Variants in CATSPERT observed in about 807,000 individuals in gnomAD.
The protein encoded by CATSPERT is cation channel sperm-associated targeting subunit tau.
chr2:201,491,471 G>A, the CATSPERT span: 1 of 1,536,802 alleles, frequency 6.5e-7, no homozygotes. Flanking sequence ...TTTATATAAA[G>A]AGTTTGTATT....
the CATSPERT span, among the ~76,000 whole-genome samples, chr2:201,594,762 T>C: frequency 3.9e-5 from 6 of 152,324 alleles, no homozygotes; most frequent in African/African-American, 1.2e-4. Context: ...TTCTTCTAGT[T>C]GATCGCATCG....
the CATSPERT span, among the ~76,000 whole-genome samples, chr2:201,583,214 T>C: frequency 2.0e-4 from 31 of 152,180 alleles, no homozygotes; most frequent in Admixed American, 4.6e-4. Context: ...GCAGTTCATA[T>C]GGTCTTGAAA....
chr2:201,508,001 G>A, the CATSPERT span, among the ~76,000 whole-genome samples: 5 of 152,154 alleles, frequency 3.3e-5, no homozygotes, highest in Non-Finnish European at 1.5e-5. Context: ...CTCCCCCGAC[G>A]TGGGGATTAC....
chr2:201,490,146 C>A, the CATSPERT span, among the ~76,000 whole-genome samples: 1 of 152,122 alleles, frequency 6.6e-6, no homozygotes, highest in Non-Finnish European at 1.5e-5. Flanking sequence ...CGTGAGCCAC[C>A]GCGCCTGGCC....
chr2:201,601,784 C>G, the CATSPERT span: 469 of 1,611,998 alleles, frequency 2.9e-4, 1 homozygote, highest in Middle Eastern at 3.1e-3. Flanking sequence ...TTACAGTGTT[C>G]TTCTCATCGT....
the CATSPERT span, among the ~76,000 whole-genome samples, chr2:201,612,394 C>CA: frequency 6.6e-6 from 1 of 151,752 alleles, no homozygotes; most frequent in African/African-American, 2.4e-5. Context: ...ATCAACATGG[C>CA]AAAACCCCAT....
chr2:201,611,945 A>G, the CATSPERT span, among the ~76,000 whole-genome samples: 1 of 152,202 alleles, frequency 6.6e-6, no homozygotes, highest in South Asian at 2.1e-4. Context: ...CAGGATGCAG[A>G]TTTGCTTCTG....
At chr2:201,579,602 C>G in the CATSPERT span, among the ~76,000 whole-genome samples, 10 of 152,024 alleles carry the variant, frequency 6.6e-5, no homozygotes, top group African/African-American at 1.9e-4. Context: ...TCTTTTACAA[C>G]TTTTTCGAAT....
At chr2:201,502,451 A>T in the CATSPERT span, among the ~76,000 whole-genome samples, 6 of 152,200 alleles carry the variant, frequency 3.9e-5, no homozygotes, top group East Asian at 1.2e-3. Flanking sequence ...ACACGCCTGT[A>T]ATCCCAGCTA....
chr2:201,547,671 G>T, the CATSPERT span: 1 of 825,892 alleles, frequency 1.2e-6, no homozygotes, highest in Non-Finnish European at 1.8e-6. Context: ...CATATGGTAT[G>T]ATTCACAGAA....
chr2:201,492,336 T>G, the CATSPERT span: 1 of 1,535,890 alleles, frequency 6.5e-7, no homozygotes, highest in East Asian at 2.5e-5. Flanking sequence ...TTAGTCCTGA[T>G]TTTGAAAGTT....
the CATSPERT span, among the ~76,000 whole-genome samples, chr2:201,562,524 TTA>T: frequency 2.5e-4 from 28 of 113,318 alleles, no homozygotes; most frequent in African/African-American, 7.9e-4. Context: ...ATTTATTTAT[TTA>T]TTTTTTTTAT....
the CATSPERT span, chr2:201,491,874 T>C: frequency 1.3e-6 from 2 of 1,536,958 alleles, no homozygotes; most frequent in Non-Finnish European, 1.7e-6. Context: ...AATTTTCTGC[T>C]TGAGGAAGCT....
the CATSPERT span, chr2:201,565,705 A>ATT: frequency 0.029 from 38,882 of 1,325,394 alleles, 233 homozygotes; most frequent in South Asian, 0.07. Context: ...GCTCTTTTGA[A>ATT]TTTTTTTTTT....
the CATSPERT span, among the ~76,000 whole-genome samples, chr2:201,543,297 C>T: frequency 1.3e-5 from 2 of 152,122 alleles, no homozygotes; most frequent in African/African-American, 2.4e-5. Context: ...GATACCTCCA[C>T]GTTCTTCTTT....
At chr2:201,577,825 G>A in the CATSPERT span, among the ~76,000 whole-genome samples, 7 of 152,074 alleles carry the variant, frequency 4.6e-5, no homozygotes, top group African/African-American at 1.2e-4. Flanking sequence ...TAATAGTAAC[G>A]TATTGTATAT....
At chr2:201,588,022 AAAGCCC>A in the CATSPERT span, among the ~76,000 whole-genome samples, 465 of 152,242 alleles carry the variant, frequency 3.1e-3, 2 homozygotes, top group African/African-American at 0.01. Flanking sequence ...CCAACCAGAA[AAAGCCC>A]AAGACCAGAT....
At chr2:201,537,425 A>T in the CATSPERT span, 1 of 1,582,950 alleles carries the variant, frequency 6.3e-7, no homozygotes, top group Non-Finnish European at 8.6e-7. Context: ...TTCTCTTCCA[A>T]TTTCCCTTAC....
the CATSPERT span, among the ~76,000 whole-genome samples, chr2:201,540,060 C>T: frequency 8.5e-5 from 13 of 152,260 alleles, no homozygotes; most frequent in Non-Finnish European, 1.3e-4. Flanking sequence ...ACAAACAGTC[C>T]CTTAAGCCAA....
Sources: gnomAD v4.1 joint callset for allele counts (sites outside exome capture counted in the v4.1 genomes callset) on GRCh38, gnomAD v4.1.1 for gene constraint, MANE v1.5 for transcripts, NCBI Gene and HGNC (gene_info 2026-07-23, HGNC 2026-07-21) for gene names.